The following KMT2E variants were observed in gnomAD, a reference collection of about 807,000 sequenced individuals.
The protein encoded by KMT2E is histone reader KMT2E.
In KMT2E, 30 loss-of-function variants were observed where a neutral mutation model predicts 184.6. The ratio of observed to expected loss-of-function variants is 0.16; its 90% CI spans 0.12 to 0.22. KMT2E has a LOEUF of 0.22. Ranked by LOEUF, KMT2E falls within the 10% of genes least tolerant of loss-of-function variation. The pLI, the probability that KMT2E is intolerant of heterozygous loss-of-function variation, is 1.00. For synonymous variants in KMT2E, 815 were observed against 776.5 expected (o/e 1.05, Z -0.82); for missense variants, 2,023 against 2,237.4 (o/e 0.90, Z 1.93).
chr7:105,059,002 T>C (rs1191308054), intron 3 of KMT2E, among the ~76,000 whole-genome samples: 1 of 152,094 alleles, frequency 6.6e-6, no homozygotes, highest in African/African-American at 2.4e-5. Context: ...AACTGAAGAG[T>C]AAGATATCAA....
chr7:105,108,775 T>C, intron 22 of KMT2E, 167 bp from the exon 23 acceptor site: 1 of 618,842 alleles, frequency 1.6e-6, no homozygotes, highest in Non-Finnish European at 2.8e-6. Context: ...GTACAATGCC[T>C]GGAATATAGT....
At chr7:105,063,988 G>T (rs1396505223) in intron 5 of KMT2E, 2 of 453,940 alleles carry the variant, frequency 4.4e-6, no homozygotes, top group African/African-American at 2.0e-5. Context: ...ATGTTTGTTT[G>T]ACCTGACTCT....
At chr7:105,084,739 T>G (rs1004965450) in intron 13 of KMT2E, among the ~76,000 whole-genome samples, 3 of 152,184 alleles carry the variant, frequency 2.0e-5, no homozygotes, top group Non-Finnish European at 4.4e-5. Flanking sequence ...GAACTGCTCC[T>G]GGGCATGTGT....
At chr7:105,022,248 A>G (rs1220838965) in intron 1 of KMT2E, among the ~76,000 whole-genome samples, 1 of 152,088 alleles carries the variant, frequency 6.6e-6, no homozygotes, top group Non-Finnish European at 1.5e-5. Context: ...TTTTTTCAGT[A>G]CCATTAGCCG....
intron 13 of KMT2E, among the ~76,000 whole-genome samples, chr7:105,083,112 A>C (rs1797822822): frequency 6.6e-6 from 1 of 152,146 alleles, no homozygotes; most frequent in Non-Finnish European, 1.5e-5. Context: ...AAATCCTGTG[A>C]AGTCATGCAC....
chr7:105,029,423 G>C (rs1795311205), intron 1 of KMT2E, among the ~76,000 whole-genome samples: 1 of 152,178 alleles, frequency 6.6e-6, no homozygotes, highest in Non-Finnish European at 1.5e-5. Flanking sequence ...TTTTAAAATA[G>C]AATAGTTGTA....
At chr7:105,025,415 ATC>A (rs1196096849) in intron 1 of KMT2E, among the ~76,000 whole-genome samples, 3 of 152,084 alleles carry the variant, frequency 2.0e-5, no homozygotes, top group Non-Finnish European at 4.4e-5. Flanking sequence ...AAAAAAGTAA[ATC>A]TCTGACTTCT....
chr7:105,041,483 C>G (rs1024784522), intron 3 of KMT2E, among the ~76,000 whole-genome samples: 1 of 152,154 alleles, frequency 6.6e-6, no homozygotes, highest in Non-Finnish European at 1.5e-5. Flanking sequence ...CTCATTGCAA[C>G]CTCTGCCTCC....
At chr7:105,064,921 T>C (rs879562886) in intron 5 of KMT2E, among the ~76,000 whole-genome samples, 23 of 152,290 alleles carry the variant, frequency 1.5e-4, no homozygotes, top group Admixed American at 6.5e-4. Flanking sequence ...TAATACATAA[T>C]CTTAGCAGTG....
At chr7:105,059,411 G>A (rs1260112184) in intron 3 of KMT2E, among the ~76,000 whole-genome samples, 2 of 152,162 alleles carry the variant, frequency 1.3e-5, no homozygotes, top group Non-Finnish European at 2.9e-5. Context: ...TTTAAAAAGT[G>A]TCACTGTTGT....
intron 1 of KMT2E, among the ~76,000 whole-genome samples, chr7:105,021,710 A>G (rs1794963211): frequency 6.6e-6 from 1 of 152,010 alleles, no homozygotes; most frequent in Non-Finnish European, 1.5e-5. Context: ...GTAAAGCAAG[A>G]GAAAGACACG....
intron 6 of KMT2E, among the ~76,000 whole-genome samples, chr7:105,067,480 T>G (rs2129567510): frequency 6.6e-6 from 1 of 152,310 alleles, no homozygotes; most frequent in African/African-American, 2.4e-5. Flanking sequence ...CATAATAAAC[T>G]CACATTTCCA....
chr7:105,053,910 A>G (rs1796450443), intron 3 of KMT2E, among the ~76,000 whole-genome samples: 2 of 151,988 alleles, frequency 1.3e-5, no homozygotes, highest in Non-Finnish European at 2.9e-5. Context: ...ATGGTGGCAC[A>G]TGCCTGTAAT....
At chr7:105,026,481 G>C (rs776765952) in intron 1 of KMT2E, among the ~76,000 whole-genome samples, 1 of 152,168 alleles carries the variant, frequency 6.6e-6, no homozygotes, top group African/African-American at 2.4e-5. Flanking sequence ...CATCATAGTA[G>C]CTATTAATTT....
At position 105,062,285 on chromosome 7, in the gene KMT2E, G is replaced by A; in HGVS notation, c.186+7G>A. On this transcript the variant is annotated splice_region_variant and intron_variant, in intron 4 of 26. Coordinates refer to ENST00000311117, the MANE Select transcript of KMT2E (RefSeq NM_182931.3). ...CATTGGTTTGCCCTATGCGGTAAGTGTTAAACACTTCTTTGAAAAAACATT... is the reference window on the plus strand; with the variant it reads ...CATTGGTTTGCCCTATGCGGTAAGTATTAAACACTTCTTTGAAAAAACATT... 6.4e-7 allele frequency: 1 copy of A among 1,563,386 alleles called. No homozygotes were observed. The highest frequency in any genetic ancestry group is 1.1e-5 in the South Asian group (1 of 87,200).
chr7:105,091,327 G>A lies in KMT2E; in HGVS notation c.1722+13G>A. On this transcript the variant is annotated intron_variant, in intron 15 of 26. Coordinates refer to ENST00000311117, the MANE Select transcript of KMT2E (RefSeq NM_182931.3). ...GAAAAGGAAGATGGTAAGTTGGGAA[G>A]CCAGTAGTTTGGGCTTAGTGACAGC... 1 of 1,514,802 alleles carries A rather than the reference G, an allele frequency of 6.6e-7. No homozygotes were observed. Among genetic ancestry groups the A allele is most frequent in the Middle Eastern group, 1.7e-4 (1 of 5,858 alleles). The allele number at this position is 1,514,802 out of a possible 1,614,324, so 93.8% of individuals were successfully genotyped here. A position where few individuals can be genotyped will look rare whatever the true frequency, so the allele number is the denominator to read the frequency against.
In KMT2E at chr7:105,090,051, G is replaced by C; in HGVS notation, c.1401G>C (p.Glu467Asp). Reference sequence around the variant, plus strand: ...GTGCATGCCTCAAAGAAAACCCAGAGTGCCCTGTTCTAAAACGTAGTTCTG... The same window carrying C: ...GTGCATGCCTCAAAGAAAACCCAGACTGCCCTGTTCTAAAACGTAGTTCTG... ...VDCACLKENPECPVLKRSSES... is the reference protein window; with the variant it reads ...VDCACLKENPDCPVLKRSSES... Residue 467 changes from glutamate to aspartate, a missense_variant, in exon 14 of 27, where the codon GAG (glutamate) becomes GAC (aspartate). Around this residue, in one of 8 missense-constraint regions of KMT2E, gnomAD observed 514 missense variants for 621.8 expected, o/e 0.83. Coordinates refer to ENST00000311117, the MANE Select transcript of KMT2E (RefSeq NM_182931.3). 6.2e-7 allele frequency: 1 copy of C among 1,613,638 alleles called. No homozygotes were observed. Among genetic ancestry groups the C allele is most frequent in the Non-Finnish European group, 8.5e-7 (1 of 1,179,868 alleles).
At chr7:105,037,366 TTTG>T (rs1055415433) in intron 1 of KMT2E, among the ~76,000 whole-genome samples, 6 of 152,056 alleles carry the variant, frequency 3.9e-5, no homozygotes, top group Non-Finnish European at 8.8e-5. Flanking sequence ...TTTTCTTTTT[TTTG>T]TTGTTTTTTT....
At position 105,102,142 on chromosome 7, in the gene KMT2E, C is replaced by T. The variant is rs1199629210; in HGVS notation, c.2144C>T (p.Thr715Ile). Residue 715 changes from threonine to isoleucine, a missense_variant, in exon 17 of 27, where the codon ACT becomes ATT. Physicochemically the swap from Thr to Ile is moderately conservative, Grantham distance 89. Transcript: ENST00000311117. Reference protein sequence around the residue: ...ETALAEIITETEVPALNKCPT... With the variant: ...ETALAEIITEIEVPALNKCPT... ...GCACTAGCAGAAATAATTACTGAAA[C>T]TGAAGTTCCAGCACTTAATAAATGT... 3.7e-6 allele frequency: 6 copies of T among 1,612,516 alleles called. No homozygotes were observed. The highest frequency in any genetic ancestry group is 4.2e-6 in the Non-Finnish European group (5 of 1,179,232).
Sources: gnomAD v4.1 joint callset for allele counts (sites outside exome capture counted in the v4.1 genomes callset) on GRCh38, gnomAD v4.1.1 for gene constraint, gnomAD v4.1.1 regional missense constraint, MANE v1.5 for transcripts, NCBI Gene and HGNC (gene_info 2026-07-23, HGNC 2026-07-21) for gene names.